Variants in DMRT1 observed in about 807,000 individuals in gnomAD.
DMRT1 encodes doublesex and mab-3 related transcription factor 1, also known as doublesex- and mab-3-related transcription factor 1.
A neutral mutation model predicts 32.3 loss-of-function variants in DMRT1; 7 were observed. The ratio of observed to expected loss-of-function variants is 0.22; its 90% CI spans 0.12 to 0.41. The LOEUF is 0.41. DMRT1 is among the 10% of genes least tolerant of loss of function. The probability of loss-of-function intolerance (pLI) is 1.00; values close to 1 mark genes in which losing one functional copy is unlikely to be tolerated. For missense variants in DMRT1, 625 were observed against 500.5 expected, an observed-to-expected ratio of 1.25 and a Z score of -2.37; for synonymous variants, 278 against 206.1, an observed-to-expected ratio of 1.35 and a Z score of -2.99.
rs1171421770 is a variant in DMRT1, at chr9:842,050, C to G, written c.212C>G (p.Pro71Arg). Residue 71 changes from proline to arginine, a missense_variant, in exon 1 of 5, where the codon CCG becomes CGG. Pro to Arg is a moderately radical substitution (Grantham distance 103). Coordinates refer to ENST00000382276, the MANE Select transcript of DMRT1 (RefSeq NM_021951.3). ...SDLGAGSKKS[P>R]RLPKCARCRN... ...CTGGGTGCCGGGAGCAAGAAGTCCC[C>G]GCGGCTGCCCAAGTGCGCACGCTGC... 5.2e-6 allele frequency: 8 copies of G among 1,545,390 alleles called. No individual in the cohort carries two copies. The highest frequency in any genetic ancestry group is 2.7e-5 in the African/African-American group (2 of 73,310).
chr9:911,257 C>G (rs72699289), intron 3 of DMRT1, among the ~76,000 whole-genome samples: 3,282 of 152,108 alleles, frequency 0.022, 113 homozygotes, highest in African/African-American at 0.075. Context: ...AAAAGCGTCT[C>G]CAGATGTTGC....
chr9:922,678 A>C (rs1056936222), intron 4 of DMRT1, among the ~76,000 whole-genome samples: 3 of 152,156 alleles, frequency 2.0e-5, no homozygotes, highest in African/African-American at 7.2e-5. Context: ...TAAAAGTTAG[A>C]AATGGTGCCT....
At chr9:887,196 C>T (rs1446706705) in intron 2 of DMRT1, among the ~76,000 whole-genome samples, 5 of 152,164 alleles carry the variant, frequency 3.3e-5, no homozygotes, top group Admixed American at 2.0e-4. Context: ...GAGACTGTCT[C>T]TCAAACAAAC....
At chr9:856,744 G>T (rs552738557) in intron 2 of DMRT1, among the ~76,000 whole-genome samples, 15 of 152,252 alleles carry the variant, frequency 9.9e-5, no homozygotes, top group Non-Finnish European at 1.5e-4. Context: ...ATTCTCTTGG[G>T]TATATACCAA....
chr9:928,700 T>A (rs895862866), intron 4 of DMRT1, among the ~76,000 whole-genome samples: 1 of 152,134 alleles, frequency 6.6e-6, no homozygotes, highest in South Asian at 2.1e-4. Flanking sequence ...ATCACTTTAT[T>A]AAGATTTCGA....
At chr9:870,925 G>C (rs1816220211) in intron 2 of DMRT1, among the ~76,000 whole-genome samples, 1 of 151,862 alleles carries the variant, frequency 6.6e-6, no homozygotes, top group African/African-American at 2.4e-5. Flanking sequence ...TGTTGCCCAG[G>C]CTGGTTTTAA....
chr9:855,556 C>T (rs1471279062), intron 2 of DMRT1, among the ~76,000 whole-genome samples: 1 of 152,190 alleles, frequency 6.6e-6, no homozygotes, highest in Non-Finnish European at 1.5e-5. Context: ...CCTGTAGACA[C>T]CAGAGAATAA....
At chr9:861,486 C>G (rs1032056809) in intron 2 of DMRT1, among the ~76,000 whole-genome samples, 2 of 152,256 alleles carry the variant, frequency 1.3e-5, no homozygotes, top group Non-Finnish European at 2.9e-5. Flanking sequence ...GACACAATAA[C>G]AATCTGATCT....
intron 4 of DMRT1, among the ~76,000 whole-genome samples, chr9:945,369 C>T (rs372683007): frequency 2.0e-5 from 3 of 152,016 alleles, no homozygotes; most frequent in Non-Finnish European, 4.4e-5. Context: ...GTGGCCAGGC[C>T]GGTCTTGAAC....
At chr9:951,728 G>C (rs61238589) in intron 4 of DMRT1, among the ~76,000 whole-genome samples, 5,116 of 152,270 alleles carry the variant, frequency 0.034, 291 homozygotes, top group African/African-American at 0.11. Flanking sequence ...TAGTTTGACA[G>C]AAATGAGACC....
At chr9:879,148 A>T (rs1277802813) in intron 2 of DMRT1, among the ~76,000 whole-genome samples, 1 of 152,152 alleles carries the variant, frequency 6.6e-6, no homozygotes, top group African/African-American at 2.4e-5. Context: ...CAGTCCCCCT[A>T]AAAAGACAGG....
chr9:908,907 C>G (rs1817875826), intron 3 of DMRT1, among the ~76,000 whole-genome samples: 1 of 152,170 alleles, frequency 6.6e-6, no homozygotes, highest in Admixed American at 6.5e-5. Context: ...TCTTCAGCAT[C>G]TGAATGCCCA....
intron 2 of DMRT1, among the ~76,000 whole-genome samples, chr9:868,884 C>T (rs1289019734): frequency 2.6e-5 from 4 of 152,104 alleles, no homozygotes; most frequent in Non-Finnish European, 5.9e-5. Flanking sequence ...GTGGCACACA[C>T]CTGTGGTCTC....
chr9:843,707 G>C (rs7044108), intron 1 of DMRT1, among the ~76,000 whole-genome samples: 1 of 152,270 alleles, frequency 6.6e-6, no homozygotes, highest in South Asian at 2.1e-4. Flanking sequence ...AAAAGATAAC[G>C]AAGAAATGTT....
chr9:920,025 C>G (rs1818304948), intron 4 of DMRT1, among the ~76,000 whole-genome samples: 1 of 152,056 alleles, frequency 6.6e-6, no homozygotes, highest in African/African-American at 2.4e-5. Flanking sequence ...GTAAAGAAGA[C>G]TATGGGAAAA....
intron 2 of DMRT1, among the ~76,000 whole-genome samples, chr9:856,851 C>A (rs751027667): frequency 6.6e-6 from 1 of 152,108 alleles, no homozygotes; most frequent in Non-Finnish European, 1.5e-5. Flanking sequence ...ACATTCCTAC[C>A]GACAGTCTAT....
chr9:872,436 C>T lies in DMRT1; in HGVS notation c.539-21476C>T, dbSNP rs111258691. 6.4e-3 allele frequency among the ~76,000 whole-genome samples: 978 copies of T among 152,278 alleles called. 6 individuals are homozygous for T. Among genetic ancestry groups the T allele is most frequent in the African/African-American group, 0.022 (899 of 41,538 alleles). ...ACATCACCACTATCAAATTTTAAAA[C>T]ATTCTCATACCATCTCCAAAAAACT... is the stretch of plus-strand genomic sequence containing the variant. On this transcript the variant is annotated intron_variant, in intron 2 of 4. Transcript: ENST00000382276.
chr9:879,057 T>C (rs1816626023), intron 2 of DMRT1, among the ~76,000 whole-genome samples: 1 of 152,302 alleles, frequency 6.6e-6, no homozygotes, highest in Non-Finnish European at 1.5e-5. Context: ...GCTGCCTGGT[T>C]AGGACTTTAT....
intron 3 of DMRT1, among the ~76,000 whole-genome samples, chr9:905,070 G>A (rs866797230): frequency 1.3e-4 from 20 of 152,224 alleles, no homozygotes; most frequent in Non-Finnish European, 2.2e-4. Flanking sequence ...GTGGGGACAA[G>A]TGTTTGATCA....
Sources: allele counts gnomAD v4.1 joint callset (sites outside exome capture counted in the v4.1 genomes callset), GRCh38; gene constraint gnomAD v4.1.1; transcripts MANE v1.5; gene names NCBI Gene and HGNC (gene_info 2026-07-23, HGNC 2026-07-21).